LCORL: variants seen among roughly 807,000 people sequenced by gnomAD.
The protein encoded by LCORL is ligand dependent nuclear receptor corepressor like.
LCORL carries 41 observed loss-of-function variants against 141.8 expected under a neutral mutation model. That is an observed-to-expected ratio of 0.29 (90% CI 0.23 to 0.38). The LOEUF is 0.38. LCORL is among the 10% of genes least tolerant of loss of function. LCORL has a pLI of 1.00. For synonymous variants in LCORL, 618 were observed against 694.1 expected (o/e 0.89, Z 1.72); for missense variants, 1,759 against 2,035.0 (o/e 0.86, Z 2.61).
chr4:17,960,663 C>T (rs1560407805), intron 4 of LCORL, among the ~76,000 whole-genome samples: 1 of 151,990 alleles, frequency 6.6e-6, no homozygotes, highest in Non-Finnish European at 1.5e-5. Flanking sequence ...GTCTTGTTGC[C>T]CAGTCTGGCC....
chr4:17,992,826 A>T (rs1720257322), intron 1 of LCORL, among the ~76,000 whole-genome samples: 2 of 152,230 alleles, frequency 1.3e-5, no homozygotes, highest in Non-Finnish European at 1.5e-5. Flanking sequence ...GTAAAACTGT[A>T]ATTTATAAAA....
chr4:17,936,948 T>C (rs1309278108), intron 4 of LCORL, among the ~76,000 whole-genome samples: 1 of 152,158 alleles, frequency 6.6e-6, no homozygotes, highest in Non-Finnish European at 1.5e-5. Context: ...GTCAATATGC[T>C]CAATAGTCAT....
At chr4:18,012,122 T>C (rs1415100708) in intron 1 of LCORL, among the ~76,000 whole-genome samples, 1 of 152,228 alleles carries the variant, frequency 6.6e-6, no homozygotes, top group African/African-American at 2.4e-5. Context: ...ACTTGGCTCT[T>C]TTCTCTACTA....
At chr4:17,914,160 T>TG (rs1255457760) in intron 4 of LCORL, among the ~76,000 whole-genome samples, 2 of 152,246 alleles carry the variant, frequency 1.3e-5, no homozygotes, top group Non-Finnish European at 2.9e-5. Context: ...ATTTCAAAGA[T>TG]ATACCATTGC....
At chr4:17,841,688 T>C (rs1198050013) in exon 8 of LCORL, 2 of 151,966 alleles carry the variant, frequency 1.3e-5, no homozygotes, top group African/African-American at 4.8e-5. Flanking sequence ...TCCTTATAAA[T>C]GAGAAACATC....
chr4:17,936,838 G>A (rs1736949053), intron 4 of LCORL, among the ~76,000 whole-genome samples: 1 of 152,054 alleles, frequency 6.6e-6, no homozygotes, highest in Non-Finnish European at 1.5e-5. Context: ...GATCATTTCA[G>A]TTTCCCCCAA....
intron 5 of LCORL, among the ~76,000 whole-genome samples, chr4:17,893,054 A>G (rs1270628679): frequency 1.3e-5 from 2 of 152,170 alleles, no homozygotes; most frequent in African/African-American, 4.8e-5. Flanking sequence ...TAAATGTTTT[A>G]CATAAAAGTA....
chr4:17,921,851 A>G (rs1484446123), intron 4 of LCORL, among the ~76,000 whole-genome samples: 1 of 152,270 alleles, frequency 6.6e-6, no homozygotes, highest in East Asian at 1.9e-4. Context: ...ATGTGGAAAA[A>G]TTAGTCTGGC....
chr4:18,002,092 A>C (rs1345644933), intron 1 of LCORL, among the ~76,000 whole-genome samples: 1 of 152,220 alleles, frequency 6.6e-6, no homozygotes, highest in Non-Finnish European at 1.5e-5. Context: ...CTGTAACACT[A>C]ATGTGAAAAC....
At chr4:17,846,886 T>A (rs1413327656) in intron 7 of LCORL, among the ~76,000 whole-genome samples, 2 of 152,198 alleles carry the variant, frequency 1.3e-5, no homozygotes, top group Admixed American at 1.3e-4. Flanking sequence ...TCCACTATTG[T>A]TTCATGTCTA....
chr4:17,865,629 A>G (rs944960335), intron 7 of LCORL, among the ~76,000 whole-genome samples: 5 of 152,268 alleles, frequency 3.3e-5, no homozygotes, highest in Non-Finnish European at 5.9e-5. Context: ...AGGGAAACTT[A>G]TAACATTATG....
At chr4:17,938,230 C>CTCCCAACCT (rs1192717822) in intron 4 of LCORL, among the ~76,000 whole-genome samples, 1 of 151,784 alleles carries the variant, frequency 6.6e-6, no homozygotes, top group Non-Finnish European at 1.5e-5. Flanking sequence ...TGGTCTCGAA[C>CTCCCAACCT]TCCCAACCTC....
chr4:17,992,307 C>T (rs575862376), intron 1 of LCORL, among the ~76,000 whole-genome samples: 1 of 152,286 alleles, frequency 6.6e-6, no homozygotes, highest in South Asian at 2.1e-4. Flanking sequence ...TGAGAACTCA[C>T]TATCCCAAGA....
intron 1 of LCORL, among the ~76,000 whole-genome samples, chr4:17,982,124 G>C (rs1389810362): frequency 6.6e-6 from 1 of 150,542 alleles, no homozygotes; most frequent in Non-Finnish European, 1.5e-5. Flanking sequence ...GTGTGTGTGT[G>C]TGTGTGTGTG....
intron 4 of LCORL, among the ~76,000 whole-genome samples, chr4:17,925,643 A>AGGCAGATCATGAGGTC (rs1454657295): frequency 6.6e-6 from 1 of 152,072 alleles, no homozygotes; most frequent in African/African-American, 2.4e-5. Flanking sequence ...AGGCCGAGGC[A>AGGCAGATCATGAGGTC]GGCAGATCAT....
chr4:17,924,609 C>T (rs150555472), intron 4 of LCORL, among the ~76,000 whole-genome samples: 332 of 152,302 alleles, frequency 2.2e-3, no homozygotes, highest in African/African-American at 6.8e-3. Context: ...CTATCCTGCA[C>T]GCAATGCTTC....
At chr4:17,912,219 G>C in intron 4 of LCORL, 1 of 755,676 alleles carries the variant, frequency 1.3e-6, no homozygotes, top group Non-Finnish European at 2.4e-6. Context: ...AGCTGGCCGT[G>C]CGCCAGTCTG....
At chr4:18,002,206 T>C (rs548827622) in intron 1 of LCORL, among the ~76,000 whole-genome samples, 3 of 152,174 alleles carry the variant, frequency 2.0e-5, no homozygotes, top group Admixed American at 1.3e-4. Flanking sequence ...CTCTACAAGA[T>C]TGAAAAACAA....
chr4:17,997,534 G>A (rs996239341), intron 1 of LCORL, among the ~76,000 whole-genome samples: 4 of 152,094 alleles, frequency 2.6e-5, no homozygotes, highest in Non-Finnish European at 5.9e-5. Flanking sequence ...TAAGAAAGAT[G>A]ACTAATACAA....
Sources: allele counts gnomAD v4.1 joint callset (sites outside exome capture counted in the v4.1 genomes callset), GRCh38; gene constraint gnomAD v4.1.1; transcripts MANE v1.5; gene names NCBI Gene and HGNC (gene_info 2026-07-23, HGNC 2026-07-21).